Variants in SORCS2 observed in about 807,000 individuals in gnomAD.
SORCS2 encodes the protein sortilin related VPS10 domain containing receptor 2.
A neutral mutation model predicts 141.6 loss-of-function variants in SORCS2; 100 were observed. The ratio of observed to expected loss-of-function variants is 0.71; its 90% CI spans 0.60 to 0.83. The LOEUF (loss-of-function observed/expected upper bound fraction) is 0.83. SORCS2 is among the 40% of genes least tolerant of loss of function. SORCS2 has a pLI of 0.00. For missense variants in SORCS2, 1,646 were observed against 1,560.2 expected (o/e 1.05, Z -0.93); for synonymous variants, 789 against 676.9 (o/e 1.17, Z -2.57).
At chr4:7,623,929 C>T (rs1034049116) in intron 3 of SORCS2, among the ~76,000 whole-genome samples, 23 of 152,158 alleles carry the variant, frequency 1.5e-4, no homozygotes, top group African/African-American at 5.1e-4. Flanking sequence ...TCTGCAGCAG[C>T]TGTCAGGGCT....
intron 3 of SORCS2, among the ~76,000 whole-genome samples, chr4:7,579,974 C>T (rs1462443208): frequency 6.6e-6 from 1 of 152,042 alleles, no homozygotes. Flanking sequence ...AGGATGTGAG[C>T]ATAGGCAAGG....
intron 5 of SORCS2, among the ~76,000 whole-genome samples, chr4:7,658,897 T>G (rs1342981025): frequency 6.6e-6 from 1 of 152,210 alleles, no homozygotes; most frequent in African/African-American, 2.4e-5. Flanking sequence ...CTCAACCACT[T>G]GCAAGCAGGC....
chr4:7,690,324 TGGAC>T (rs1439481247), intron 11 of SORCS2, among the ~76,000 whole-genome samples: 1 of 11,216 alleles, frequency 8.9e-5, no homozygotes, highest in Non-Finnish European at 1.7e-4. Context: ...GGTGGATAGG[TGGAC>T]GGGTGGGTGG....
chr4:7,201,964 G>C lies in SORCS2; in HGVS notation c.480+8838G>C, dbSNP rs547765582. Reference sequence around the variant, plus strand: ...AGGTGAAGGCATGTGTTCTGCATTGGTTCACATCCTGCTTTTTCTTGGAAA... The same window carrying C: ...AGGTGAAGGCATGTGTTCTGCATTGCTTCACATCCTGCTTTTTCTTGGAAA... On this transcript the variant is annotated intron_variant, in intron 1 of 26. Coordinates refer to ENST00000507866, the MANE Select transcript of SORCS2 (RefSeq NM_020777.3). This position sits in a 1 kb window ranked among gnomAD's most constrained non-coding sequence, Gnocchi z 4.4. Among the ~76,000 whole-genome samples, 1 of 151,910 alleles carries C rather than the reference G, an allele frequency of 6.6e-6. No individual in the cohort carries two copies. Among genetic ancestry groups the C allele is most frequent in the South Asian group, 2.1e-4 (1 of 4,790 alleles).
At position 7,333,107 on chromosome 4, in the gene SORCS2, A is replaced by AGC. The variant is rs1719757369; in HGVS notation, c.481-63181_481-63180insGC. 2.0e-5 allele frequency among the ~76,000 whole-genome samples: 3 copies of AGC among 152,182 alleles called. No individual in the cohort carries two copies. In the South Asian group the frequency reaches 6.2e-4, roughly 32 times the overall value. ...CAGCAGGAGAGCAAGTGGATGGGAC[A>AGC]AGGCGGTGTGGCCGTGCAGGCAGGA... is the stretch of plus-strand genomic sequence containing the variant. On this transcript the variant is annotated intron_variant, in intron 1 of 26. Transcript: ENST00000507866.
At chr4:7,702,696 C>T (rs1725164434) in intron 12 of SORCS2, among the ~76,000 whole-genome samples, 1 of 152,254 alleles carries the variant, frequency 6.6e-6, no homozygotes, top group Non-Finnish European at 1.5e-5. Context: ...CTCCCTGGCA[C>T]CAAGGTCTGA....
At chr4:7,479,127 A>G (rs11939663) in intron 2 of SORCS2, among the ~76,000 whole-genome samples, 12,920 of 151,482 alleles carry the variant, frequency 0.085, 589 homozygotes, top group African/African-American at 0.12. Flanking sequence ...AAAGGCACAC[A>G]GGGCAGAGTC....
Position 7,235,838 on chromosome 4 carries a change from C to T in SORCS2, c.480+42712C>T, listed in dbSNP as rs76344006. Among the ~76,000 whole-genome samples the T allele has an allele frequency of 4.9e-3, 745 of 152,274 alleles. 4 individuals carry two copies. Among genetic ancestry groups the T allele is most frequent in the African/African-American group, 0.014 (593 of 41,550 alleles). On this transcript the variant is annotated intron_variant, in intron 1 of 26. Coordinates refer to ENST00000507866, the MANE Select transcript of SORCS2 (RefSeq NM_020777.3). ...GTGAGATGCCTCCCTTCTGGATTCC[C>T]GGGCAGCTTATCGTGGCAGGCGATG...
At position 7,741,047 on chromosome 4, in the gene SORCS2, C is replaced by T. The variant is rs991560537; in HGVS notation, c.*783C>T. The T allele has an allele frequency of 2.5e-6, 1 of 398,822 alleles. No homozygotes were observed. The highest frequency in any genetic ancestry group is 2.1e-5 in the African/African-American group (1 of 48,632). 24.7% of individuals were successfully genotyped at this position (398,822 alleles called of 1,614,324 possible). On this transcript the variant is annotated 3_prime_UTR_variant, in exon 27 of 27. Coordinates refer to ENST00000507866, the MANE Select transcript of SORCS2 (RefSeq NM_020777.3). ...AGGACCCAGTGCCCATGGTTCCTCA[C>T]TCCTACCAGCAAGCAGCACCATCCC...
intron 2 of SORCS2, among the ~76,000 whole-genome samples, chr4:7,445,943 A>G (rs1727964723): frequency 6.6e-6 from 1 of 152,116 alleles, no homozygotes; most frequent in African/African-American, 2.4e-5. Flanking sequence ...CACCCCTCAC[A>G]CCTGCACAGT....
chr4:7,577,016 C>T (rs547046682), intron 3 of SORCS2, among the ~76,000 whole-genome samples: 1 of 152,328 alleles, frequency 6.6e-6, no homozygotes, highest in African/African-American at 2.4e-5. Flanking sequence ...CAGATGTGGT[C>T]TTCTGGCCAC....
At chr4:7,205,069 C>T (rs1727662778) in intron 1 of SORCS2, among the ~76,000 whole-genome samples, 3 of 152,184 alleles carry the variant, frequency 2.0e-5, no homozygotes, top group Non-Finnish European at 2.9e-5. Flanking sequence ...TCAATTATTC[C>T]CATCAATACC....
intron 3 of SORCS2, among the ~76,000 whole-genome samples, chr4:7,605,652 G>T (rs1404368249): frequency 6.6e-6 from 1 of 152,196 alleles, no homozygotes; most frequent in African/African-American, 2.4e-5. Context: ...TATTTAGGCT[G>T]CCATATTGCC....
At chr4:7,244,478 G>T (rs1311226914) in intron 1 of SORCS2, among the ~76,000 whole-genome samples, 1 of 152,178 alleles carries the variant, frequency 6.6e-6, no homozygotes, top group Non-Finnish European at 1.5e-5. Context: ...CCCCTCGGTC[G>T]CTGTTGCATA....
intron 1 of SORCS2, among the ~76,000 whole-genome samples, chr4:7,334,860 G>A (rs1388869960): frequency 6.6e-6 from 1 of 152,168 alleles, no homozygotes; most frequent in Non-Finnish European, 1.5e-5. Context: ...TGTGGAGCTG[G>A]CAGGGTGGGA....
intron 7 of SORCS2, among the ~76,000 whole-genome samples, chr4:7,665,159 C>G (rs924382515): frequency 4.6e-5 from 7 of 152,216 alleles, no homozygotes; most frequent in African/African-American, 1.7e-4. Context: ...TTGAGAGCAG[C>G]TGCTGGGTGC....
intron 3 of SORCS2, among the ~76,000 whole-genome samples, chr4:7,621,196 G>A (rs999733446): frequency 3.9e-5 from 6 of 152,168 alleles, no homozygotes; most frequent in Non-Finnish European, 4.4e-5. Flanking sequence ...CCTGAGCCCC[G>A]CCCAGGGTGG....
chr4:7,549,429 G>T (rs992193155), intron 3 of SORCS2, among the ~76,000 whole-genome samples: 1 of 151,822 alleles, frequency 6.6e-6, no homozygotes, highest in East Asian at 1.9e-4. Flanking sequence ...TTGGGTGGGG[G>T]ACTGGGGCAG....
chr4:7,638,706 G>T (rs1285621499), intron 4 of SORCS2, among the ~76,000 whole-genome samples: 1 of 152,184 alleles, frequency 6.6e-6, no homozygotes, highest in Non-Finnish European at 1.5e-5. Flanking sequence ...TGTGCTGTGG[G>T]AGCTGAGCGA....
Sources: allele counts gnomAD v4.1 joint callset (sites outside exome capture counted in the v4.1 genomes callset), GRCh38; gene constraint gnomAD v4.1.1; non-coding constraint Gnocchi (gnomAD v3.1); transcripts MANE v1.5; gene names NCBI Gene and HGNC (gene_info 2026-07-23, HGNC 2026-07-21).